Variants in PRSS22 observed in about 807,000 individuals in gnomAD.
The protein encoded by PRSS22 is serine protease 22, also known as brain-specific serine protease 4.
Under a neutral mutation model 28.0 loss-of-function variants are expected in PRSS22, and 26 were observed. The observed-to-expected ratio is 0.93, with a 90% CI of 0.68 to 1.29. PRSS22 has a LOEUF of 1.29. PRSS22 is among the 50% of genes most tolerant of loss of function. The pLI is 0.00. For missense variants in PRSS22, 444 were observed against 422.1 expected, an observed-to-expected ratio of 1.05 and a Z score of -0.46; for synonymous variants, 217 against 177.9, an observed-to-expected ratio of 1.22 and a Z score of -1.75.
intron 3 of PRSS22, 79 bp downstream of exon 3, chr16:2,856,003 C>A: frequency 6.4e-7 from 1 of 1,552,018 alleles, no homozygotes; most frequent in Non-Finnish European, 8.7e-7. Context: ...GGAAGCAGAG[C>A]CTGTAAAGGG....
rs979005246 is a variant in PRSS22 at position 2,852,833 on chromosome 16, G to A, written c.*260C>T. ...TAACATTTATATACACAAAAGCGCT[G>A]GGGCCCGGGGCGGGGCCGGAAGTCG... On this transcript the variant is annotated 3_prime_UTR_variant, in exon 6 of 6. Coordinates refer to ENST00000161006, the MANE Select transcript of PRSS22 (RefSeq NM_022119.4). The A allele has an allele frequency of 1.6e-5, 6 of 367,860 alleles. No homozygotes were observed. The African/African-American group carries it at 5.7e-4, about 35-fold the overall frequency. The allele number at this position is 367,860 out of a possible 1,614,324, so 22.8% of individuals were successfully genotyped here.
In PRSS22 at chr16:2,853,162, G is replaced by A. The variant is rs370707296; in HGVS notation, c.885C>T (p.Arg295=). Residue 295 remains arginine (R), a synonymous_variant, in exon 6 of 6, where the codon CGC becomes CGT. Coordinates refer to ENST00000161006, the MANE Select transcript of PRSS22 (RefSeq NM_022119.4). The surrounding 1 kb of genome is among the most constrained non-coding windows in gnomAD (Gnocchi z 4.6). ...VEKIVQGVQL[R]GRAQGGGALR... ...GGGCCCCACCCCCCTGAGCGCGCCC[G>A]CGGAGCTGCACCCCTTGCACGATCT... The A allele has an allele frequency of 7.5e-6, 12 of 1,598,868 alleles. No homozygotes were observed. Among genetic ancestry groups the A allele is most frequent in the African/African-American group, 1.3e-5 (1 of 75,004 alleles).
intron 4 of PRSS22, chr16:2,854,599 T>G (rs2069438155): frequency 6.5e-6 from 1 of 153,060 alleles, no homozygotes; most frequent in African/African-American, 2.4e-5. Flanking sequence ...TCTTACACTT[T>G]GTTATTACTT....
chr16:2,858,030 C>G lies in PRSS22; in HGVS notation c.75G>C (p.Ala25=). The G allele has an allele frequency of 1.6e-6, 2 of 1,282,896 alleles. No homozygotes were observed. Among genetic ancestry groups the G allele is most frequent in the South Asian group, 5.9e-5 (2 of 33,934 alleles). 79.5% of individuals were successfully genotyped at this position (1,282,896 alleles called of 1,614,324 possible). Residue 25 remains alanine, a synonymous_variant, in exon 1 of 6, where the codon GCG becomes GCC. Transcript: ENST00000161006. ...LGTFTSLLLL[A]STAILNAARI... ...AGCAGCCTCCGGACGTACCTGTCGA[C>G]GCCAGCAGCAGCAGGGAGGTGAAGG...
At chr16:2,854,142 G>A in intron 4 of PRSS22, 120 bp from the exon 5 acceptor site, 2 of 1,150,438 alleles carry the variant, frequency 1.7e-6, no homozygotes, top group Admixed American at 2.3e-5. Flanking sequence ...TAACAGATTA[G>A]CTCTACCAGT....
At chr16:2,855,415 C>G (rs1417208836) in intron 4 of PRSS22, among the ~76,000 whole-genome samples, 159 bp downstream of exon 4, 1 of 151,114 alleles carries the variant, frequency 6.6e-6, no homozygotes, top group Non-Finnish European at 1.5e-5. Flanking sequence ...AATTGCCCAC[C>G]AAGGTTTCTT....
At chr16:2,856,343 C>T in intron 2 of PRSS22, 90 bp from the exon 3 acceptor site, 1 of 1,384,150 alleles carries the variant, frequency 7.2e-7, no homozygotes. Context: ...CAAGCTTTGC[C>T]CACAGCCCAA....
rs552706505 is a variant in PRSS22, at chr16:2,855,662, G to C, written c.471C>G (p.Val157=). The C allele has an allele frequency of 5.0e-6, 8 of 1,614,192 alleles. No individual in the cohort carries two copies. The South Asian group carries it at 8.8e-5, about 18-fold the overall frequency. The change falls in exon 4 of 6, where the codon GTC becomes GTG. Residue 157 remains valine, a synonymous_variant. Coordinates refer to ENST00000161006, the MANE Select transcript of PRSS22 (RefSeq NM_022119.4). ...AGGCATCAGGTAGGCAGATGGGCAG[G>C]ACCCGCTCTGAGAACTGTATGGAGC... The part of the protein sequence containing the change: ...LERSIQFSER[V]LPICLPDASI...
intron 4 of PRSS22, among the ~76,000 whole-genome samples, chr16:2,855,327 GAC>G (rs1253886368): frequency 8.6e-6 from 1 of 116,344 alleles, no homozygotes; most frequent in Non-Finnish European, 1.7e-5. Context: ...CAGCCTGGGT[GAC>G]AGAGTAACAC....
chr16:2,855,533 C>A (rs747539700), intron 4 of PRSS22, 41 bp downstream of exon 4: 2 of 1,608,716 alleles, frequency 1.2e-6, no homozygotes, highest in Non-Finnish European at 1.7e-6. Context: ...ATCCTCTGTC[C>A]CCATCTGCCC....
chr16:2,855,031 C>G (rs1033652964), intron 4 of PRSS22, among the ~76,000 whole-genome samples: 32 of 152,124 alleles, frequency 2.1e-4, no homozygotes, highest in African/African-American at 7.2e-4. Context: ...GCTGTTGCCT[C>G]AAAACATAGC....
chr16:2,857,945 A>C (rs1003272652), intron 1 of PRSS22, 78 bp downstream of exon 1: 1 of 1,089,086 alleles, frequency 9.2e-7, no homozygotes, highest in Non-Finnish European at 1.2e-6. Flanking sequence ...CAAGGCCAGG[A>C]GGGAGAGAGG....
intron 2 of PRSS22, 127 bp from the exon 3 acceptor site, chr16:2,856,380 C>A (rs1461329751): frequency 1.5e-5 from 14 of 955,262 alleles, no homozygotes; most frequent in East Asian, 2.6e-5. Context: ...CAAGCTCTAC[C>A]CACATCCCAA....
At position 2,854,007 on chromosome 16, in the gene PRSS22, G is replaced by C. The variant is rs762709114; in HGVS notation, c.575C>G (p.Pro192Arg). 8 of 1,614,224 alleles carry C rather than the reference G, an allele frequency of 5.0e-6. No homozygotes were observed. In the East Asian group the frequency reaches 1.6e-4, roughly 31 times the overall value. ...AACCTTCAGCTTCTGCAGGGTCTGA[G>C]GGTGGGGCAAGGGAACTGGGAGGAA... is the stretch of plus-strand genomic sequence containing the variant. ...SIQDGVPLPH[P>R]QTLQKLKVPI... is the part of the protein sequence containing the mutation. Residue 192 changes from proline to arginine, a missense_variant, in exon 5 of 6, where the codon CCT becomes CGT. Coordinates refer to ENST00000161006, the MANE Select transcript of PRSS22 (RefSeq NM_022119.4).
At chr16:2,857,037 C>G (rs1462896160) in intron 1 of PRSS22, 189 bp from the exon 2 acceptor site, 1 of 654,662 alleles carries the variant, frequency 1.5e-6, no homozygotes, top group African/African-American at 1.9e-5. Context: ...GGTCCCAGCA[C>G]CCCCTGAGGA....
rs1337747895 is a variant in PRSS22, at chr16:2,855,585, A to T, written c.548T>A (p.Ile183Asn). 1.2e-6 allele frequency: 2 copies of T among 1,613,794 alleles called. No homozygotes were observed. The highest frequency in any genetic ancestry group is 2.7e-5 in the African/African-American group (2 of 74,810). ...GGAAGAAGCCGCACCTCCATCTTGG[A>T]TGCTCCCCCAGCCTGAGATCCAGCA... ...THCWISGWGS[I>N]QDGVPLPHPQ... The change falls in exon 4 of 6, where the codon ATC becomes AAC. Residue 183 changes from isoleucine to asparagine, a missense_variant. Coordinates refer to ENST00000161006, the MANE Select transcript of PRSS22 (RefSeq NM_022119.4).
In PRSS22 at chr16:2,853,867, G is replaced by A; in HGVS notation, c.715C>T (p.Leu239=). 1 of 1,613,898 alleles carries A rather than the reference G, an allele frequency of 6.2e-7. No homozygotes were observed. Among genetic ancestry groups the A allele is most frequent in the Middle Eastern group, 1.7e-4 (1 of 6,024 alleles). The change falls in exon 5 of 6, where the codon CTG becomes TTG. Residue 239 remains leucine, a splice_region_variant and synonymous_variant. Transcript: ENST00000161006. This position sits in a 1 kb window ranked among gnomAD's most constrained non-coding sequence, Gnocchi z 4.6. The part of the protein sequence containing the change: ...GYLEGERDAC[L]GDSGGPLMCQ... ...GTGGGGGGCTCGAGGGAGCTCACCA[G>A]ACAAGCATCCCGCTCCCCCTCCAAG...
intron 4 of PRSS22, among the ~76,000 whole-genome samples, chr16:2,855,345 C>A (rs1162640579): frequency 2.3e-4 from 5 of 21,874 alleles, no homozygotes; most frequent in Non-Finnish European, 3.6e-4. Flanking sequence ...AACACCCTGT[C>A]TCAAAAAAAA....
In PRSS22 at chr16:2,856,207, GCCCAC is replaced by G; in HGVS notation, c.151_155del (p.Val51ArgfsTer6). On this transcript the variant is annotated frameshift_variant, in exon 3 of 6. Coordinates refer to ENST00000161006, the MANE Select transcript of PRSS22 (RefSeq NM_022119.4). LOFTEE classifies it high-confidence loss of function. ...ACTCGCTGTCAGTGCTGTCCTCGCC[GCCCAC>G]AACCCGGTTCAGCTGCTGGGGCTTC... 3 of 1,613,656 alleles carry G rather than the reference GCCCAC, an allele frequency of 1.9e-6. No homozygotes were observed. The highest frequency in any genetic ancestry group is 2.5e-6 in the Non-Finnish European group (3 of 1,179,916).
Sources: allele counts gnomAD v4.1 joint callset (sites outside exome capture counted in the v4.1 genomes callset), GRCh38; gene constraint gnomAD v4.1.1; non-coding constraint Gnocchi (gnomAD v3.1); transcripts MANE v1.5; gene names NCBI Gene and HGNC (gene_info 2026-07-23, HGNC 2026-07-21).